The following MMP16 variants were observed in gnomAD, a reference collection of about 807,000 sequenced individuals.
MMP16 encodes the protein matrix metalloproteinase-16.
Under a neutral mutation model 67.8 loss-of-function variants are expected in MMP16, and 12 were observed. The ratio of observed to expected loss-of-function variants is 0.18; its 90% CI spans 0.11 to 0.29. The LOEUF is 0.29. MMP16 is among the 10% of genes least tolerant of loss of function. The pLI is 1.00. For synonymous variants in MMP16, 249 were observed against 255.9 expected, an observed-to-expected ratio of 0.97 and a Z score of 0.26; for missense variants, 475 against 765.7, an observed-to-expected ratio of 0.62 and a Z score of 4.48.
chr8:88,259,287 T>C (rs1235167695), intron 1 of MMP16, among the ~76,000 whole-genome samples: 4 of 152,136 alleles, frequency 2.6e-5, no homozygotes, highest in Non-Finnish European at 5.9e-5. Flanking sequence ...AGTCAGGAAA[T>C]TGGATGCATT....
At chr8:88,137,016 C>T (rs745626671) in intron 4 of MMP16, among the ~76,000 whole-genome samples, 37 of 151,712 alleles carry the variant, frequency 2.4e-4, no homozygotes, top group Non-Finnish European at 4.6e-4. Context: ...TATGGAACTC[C>T]ATCTGTTCCA....
intron 1 of MMP16, among the ~76,000 whole-genome samples, chr8:88,320,402 A>G (rs953909312): frequency 2.0e-5 from 3 of 152,194 alleles, no homozygotes; most frequent in Non-Finnish European, 4.4e-5. Context: ...TAAAACAGGA[A>G]CACCAAAAAC....
At position 88,213,842 on chromosome 8, in the gene MMP16, T is replaced by C. The variant is rs894338402; in HGVS notation, c.133-16536A>G. ...AATTGGAAAATAAATGACTGTTCCT[T>C]CTCCTTCTCTTTCTGTTTCCTGATG... On this transcript the variant is annotated intron_variant, in intron 1 of 9. Transcript: ENST00000286614. Among the ~76,000 whole-genome samples the C allele has an allele frequency of 3.9e-5, 6 of 152,138 alleles. No individual in the cohort carries two copies. The South Asian group carries it at 1.2e-3, about 32-fold the overall frequency.
chr8:88,105,128 C>T (rs1406922033), intron 6 of MMP16, among the ~76,000 whole-genome samples: 2 of 140,430 alleles, frequency 1.4e-5, no homozygotes, highest in African/African-American at 5.3e-5. Flanking sequence ...CATAGGTGTA[C>T]CATTTTTTAT....
At chr8:88,214,420 G>A (rs1809557021) in intron 1 of MMP16, among the ~76,000 whole-genome samples, 1 of 152,086 alleles carries the variant, frequency 6.6e-6, no homozygotes, top group African/African-American at 2.4e-5. Context: ...AACTGCTTGT[G>A]TACAGTGAAT....
intron 4 of MMP16, among the ~76,000 whole-genome samples, chr8:88,151,540 G>C (rs1396012624): frequency 3.5e-5 from 5 of 144,370 alleles, no homozygotes; most frequent in African/African-American, 1.0e-4. Flanking sequence ...AATCAAACTA[G>C]AACTCAGGAT....
At chr8:88,151,390 C>T in intron 4 of MMP16, among the ~76,000 whole-genome samples, 1 of 149,882 alleles carries the variant, frequency 6.7e-6, no homozygotes, top group Non-Finnish European at 1.5e-5. Flanking sequence ...AACTCTCCAC[C>T]CCAAATCAAC....
intron 6 of MMP16, among the ~76,000 whole-genome samples, chr8:88,084,973 TATGTTTTGTGGC>T (rs1308724236): frequency 6.6e-6 from 1 of 151,922 alleles, no homozygotes. Flanking sequence ...GAAACAAAAA[TATGTTTTGTGGC>T]ATGTAACTAA....
intron 4 of MMP16, among the ~76,000 whole-genome samples, chr8:88,127,304 T>G (rs1003756888): frequency 5.3e-5 from 8 of 151,754 alleles, no homozygotes; most frequent in Admixed American, 5.3e-4. Context: ...TTGGCCTCAG[T>G]ATGCAAATAT....
intron 1 of MMP16, among the ~76,000 whole-genome samples, chr8:88,207,528 T>G (rs987340396): frequency 3.3e-5 from 5 of 152,168 alleles, no homozygotes; most frequent in African/African-American, 1.2e-4. Flanking sequence ...CCATACAAAG[T>G]GCTGCTAGTG....
chr8:88,041,923 A>G lies in MMP16; in HGVS notation c.1490-128T>C, dbSNP rs1304931936. 1 of 716,384 alleles carries G rather than the reference A, an allele frequency of 1.4e-6. No individual in the cohort carries two copies. The highest frequency in any genetic ancestry group is 1.8e-5 in the African/African-American group (1 of 55,892). 44.4% of individuals were successfully genotyped at this position (716,384 alleles called of 1,614,324 possible). ...AAGGCCCTTTAATTTTCATAGGAAG[A>G]AAACACTATTTTCAGCTCAGCTGTC... On this transcript the variant is annotated intron_variant, in intron 9 of 9. Transcript: ENST00000286614. This position sits in a 1 kb window ranked among gnomAD's most constrained non-coding sequence, Gnocchi z 6.0.
At position 88,125,189 on chromosome 8, in the gene MMP16, A is replaced by ATT. The variant is rs34226547; in HGVS notation, c.710-6330_710-6329dup. ...TTAATTAAGTCTGAAAGTCCTGGAG[A>ATT]TTTTTTTTTTTTTTACAAAATTAGA... On this transcript the variant is annotated intron_variant, in intron 4 of 9. Transcript: ENST00000286614. Among the ~76,000 whole-genome samples the ATT allele has an allele frequency of 4.1e-3, 595 of 144,734 alleles. 7 individuals carry two copies. Among genetic ancestry groups the ATT allele is most frequent in the African/African-American group, 0.011 (454 of 39,638 alleles). The allele number at this position is 144,734 out of a possible 152,430, so 95.0% of individuals were successfully genotyped here.
chr8:88,259,572 G>A (rs1810355218), intron 1 of MMP16, among the ~76,000 whole-genome samples: 1 of 151,588 alleles, frequency 6.6e-6, no homozygotes, highest in South Asian at 2.1e-4. Flanking sequence ...TTATCCTTAT[G>A]TTTAATAGCC....
At chr8:88,082,103 C>T (rs1410447383) in intron 6 of MMP16, among the ~76,000 whole-genome samples, 2 of 151,982 alleles carry the variant, frequency 1.3e-5, no homozygotes, top group Non-Finnish European at 2.9e-5. Context: ...AACAAACCCC[C>T]AAACCTTATA....
chr8:88,315,050 T>C (rs1811356123), intron 1 of MMP16, among the ~76,000 whole-genome samples: 1 of 152,236 alleles, frequency 6.6e-6, no homozygotes, highest in South Asian at 2.1e-4. Flanking sequence ...GGATAACTCC[T>C]TTATTACCCA....
intron 1 of MMP16, among the ~76,000 whole-genome samples, chr8:88,238,587 A>T (rs1041352354): frequency 2.7e-5 from 4 of 150,780 alleles, no homozygotes; most frequent in Non-Finnish European, 1.5e-5. Flanking sequence ...AATCGCTTGA[A>T]CACAGGAGGC....
chr8:88,181,317 A>C (rs1366188412), intron 3 of MMP16, among the ~76,000 whole-genome samples: 1 of 152,086 alleles, frequency 6.6e-6, no homozygotes, highest in Non-Finnish European at 1.5e-5. Flanking sequence ...TCCTAGACTA[A>C]TAAGCAATTA....
At chr8:88,320,087 T>A (rs965516774) in intron 1 of MMP16, among the ~76,000 whole-genome samples, 2 of 152,188 alleles carry the variant, frequency 1.3e-5, no homozygotes, top group African/African-American at 4.8e-5. Context: ...AATAATAATC[T>A]GCTCAACTAA....
At position 88,049,426 on chromosome 8, in the gene MMP16, C is replaced by T. The variant is rs368909277; in HGVS notation, c.1374-2642G>A. Among the ~76,000 whole-genome samples, 122 of 152,274 alleles carry T rather than the reference C, an allele frequency of 8.0e-4. 2 individuals carry two copies. The South Asian group carries it at 8.5e-3, about 11-fold the overall frequency. On this transcript the variant is annotated intron_variant, in intron 8 of 9. Coordinates refer to ENST00000286614, the MANE Select transcript of MMP16 (RefSeq NM_005941.5). ...CTCATAATCTAAAGATCTCTTCTCTCAGGTAAATATCTCAGTGGGGTTTAC... is the reference window on the plus strand; with the variant it reads ...CTCATAATCTAAAGATCTCTTCTCTTAGGTAAATATCTCAGTGGGGTTTAC...
Sources: gnomAD v4.1 joint callset for allele counts (sites outside exome capture counted in the v4.1 genomes callset) on GRCh38, gnomAD v4.1.1 for gene constraint, Gnocchi (gnomAD v3.1) non-coding constraint, MANE v1.5 for transcripts, NCBI Gene and HGNC (gene_info 2026-07-23, HGNC 2026-07-21) for gene names.